SPON2: variants seen among roughly 807,000 people sequenced by gnomAD.
The protein encoded by SPON2 is spondin-2.
A neutral mutation model predicts 29.9 loss-of-function variants in SPON2; 32 were observed. The observed-to-expected ratio is 1.07, with a 90% CI of 0.81 to 1.44. SPON2 has a LOEUF of 1.44. Among genes scored for constraint, SPON2 ranks in the 40% most tolerant of loss-of-function variants. SPON2 has a pLI of 0.00. For missense variants in SPON2, 541 were observed against 455.5 expected, an observed-to-expected ratio of 1.19 and a Z score of -1.71; for synonymous variants, 248 against 209.1, an observed-to-expected ratio of 1.19 and a Z score of -1.61.
intron 1 of SPON2, chr4:1,200,769 C>G (rs1013454706): frequency 2.2e-6 from 1 of 455,198 alleles, no homozygotes; most frequent in African/African-American, 2.0e-5. Context: ...GTGGGTGCAG[C>G]CCCCCACCCC....
At chr4:1,174,017 CAG>C (rs1373774877), upstream of SPON2, among the ~76,000 whole-genome samples, 15 of 150,496 alleles carry the variant, frequency 1.0e-4, no homozygotes, top group African/African-American at 2.2e-4. Context: ...CTTGGCAACA[CAG>C]GGAGACCTCA....
upstream of SPON2, among the ~76,000 whole-genome samples, chr4:1,177,214 C>T (rs970073452): frequency 2.6e-5 from 4 of 152,318 alleles, no homozygotes; most frequent in Middle Eastern, 3.4e-3. Context: ...GTGTCCACAT[C>T]CAGCTCCACC....
chr4:1,196,069 G>A (rs923295334), upstream of SPON2, among the ~76,000 whole-genome samples: 6 of 152,122 alleles, frequency 3.9e-5, no homozygotes, highest in African/African-American at 9.7e-5. Flanking sequence ...GGCCAGGACC[G>A]CCCCCTCTGG....
At chr4:1,172,098 C>G (rs779850450) in intron 1 of SPON2, 24 bp from the exon 2 acceptor site, 3 of 1,598,612 alleles carry the variant, frequency 1.9e-6, no homozygotes, top group South Asian at 2.2e-5. Flanking sequence ...GGGGAGCAGC[C>G]GCGCGCTGGC....
At chr4:1,191,489 A>C (rs1339393901) in intron 1 of SPON2, among the ~76,000 whole-genome samples, 7 of 152,302 alleles carry the variant, frequency 4.6e-5, no homozygotes, top group Admixed American at 4.6e-4. Context: ...AAAGACCTAA[A>C]AGTAAAAGTC....
intron 1 of SPON2, among the ~76,000 whole-genome samples, chr4:1,180,964 T>C (rs1015137662): frequency 6.6e-6 from 1 of 151,962 alleles, no homozygotes; most frequent in Non-Finnish European, 1.5e-5. Context: ...GGGCAGAAAA[T>C]TATTTGATGA....
chr4:1,194,889 A>ACAGCCGGCGGCTCCAACCCCG (rs1560210491), intron 1 of SPON2: 2 of 111,666 alleles, frequency 1.8e-5, no homozygotes, highest in African/African-American at 7.1e-5. Context: ...CTCCAACGCC[A>ACAGCCGGCGGCTCCAACCCCG]CAGCCGGCGA....
chr4:1,196,149 T>A (rs947293482), upstream of SPON2, among the ~76,000 whole-genome samples: 1 of 152,028 alleles, frequency 6.6e-6, no homozygotes, highest in African/African-American at 2.4e-5. Context: ...ATCGATGGGG[T>A]GCCTAGCGCC....
At chr4:1,193,566 C>T (rs985575434) in intron 1 of SPON2, among the ~76,000 whole-genome samples, 29 of 139,164 alleles carry the variant, frequency 2.1e-4, no homozygotes, top group African/African-American at 6.2e-4. Context: ...GGGTCACTCC[C>T]GTAGGACCTG....
chr4:1,169,723 C>G (rs1727361371), intron 5 of SPON2: 1 of 152,344 alleles, frequency 6.6e-6, no homozygotes, highest in African/African-American at 2.4e-5. Context: ...CCGCTGTTGT[C>G]TGGGGCCTAC....
At chr4:1,198,250 A>T (rs1169026630), upstream of SPON2, among the ~76,000 whole-genome samples, 6 of 152,172 alleles carry the variant, frequency 3.9e-5, no homozygotes, top group Non-Finnish European at 8.8e-5. Flanking sequence ...AAAGTCCAGA[A>T]TGACTCTGGA....
At chr4:1,195,065 GTCTCCAACCCC>G (rs1728029074) in exon 1 of SPON2, 6 of 94,988 alleles carry the variant, frequency 6.3e-5, no homozygotes, top group East Asian at 3.0e-4. Context: ...CGCAGCCGGC[GTCTCCAACCCC>G]GCAGCCGGCG....
intron 5 of SPON2, among the ~76,000 whole-genome samples, chr4:1,169,226 C>T (rs1727341827): frequency 6.6e-6 from 1 of 152,156 alleles, no homozygotes; most frequent in Non-Finnish European, 1.5e-5. Flanking sequence ...TCTGGACCCT[C>T]TGCCCACGAG....
chr4:1,193,907 C>T (rs1315564898), intron 1 of SPON2, among the ~76,000 whole-genome samples: 12 of 44,970 alleles, frequency 2.7e-4, no homozygotes, highest in African/African-American at 8.4e-4. Context: ...GAAGGACGTG[C>T]GGGTGGCGTG....
chr4:1,171,787 T>A (rs1364550306), intron 2 of SPON2, 65 bp downstream of exon 2: 9 of 1,093,194 alleles, frequency 8.2e-6, no homozygotes, highest in Non-Finnish European at 1.1e-5. Flanking sequence ...CGTGCAGCTG[T>A]GCGGGGGGCT....
chr4:1,170,080 C>T (rs1445742527), intron 5 of SPON2: 2 of 297,422 alleles, frequency 6.7e-6, no homozygotes, highest in African/African-American at 4.6e-5. Context: ...TCCTAGCAAG[C>T]TTCCTTGTCA....
At chr4:1,180,054 T>C (rs555344777) in intron 1 of SPON2, among the ~76,000 whole-genome samples, 1 of 152,162 alleles carries the variant, frequency 6.6e-6, no homozygotes, top group South Asian at 2.1e-4. Flanking sequence ...TCTGAGAATC[T>C]AGAAGGCCAC....
chr4:1,195,008 A>C (rs2335925), exon 1 of SPON2: 25 of 81,902 alleles, frequency 3.1e-4, no homozygotes, highest in Admixed American at 5.0e-4. Flanking sequence ...CGGCGGTTCC[A>C]ACCCCGCAGC....
intron 1 of SPON2, chr4:1,204,936 G>A (rs1176227843): frequency 6.6e-6 from 1 of 152,272 alleles, no homozygotes; most frequent in Non-Finnish European, 1.5e-5. Context: ...GAAAGATGCT[G>A]ATTCCTGACT....
Sources: gnomAD v4.1 joint callset for allele counts (sites outside exome capture counted in the v4.1 genomes callset) on GRCh38, gnomAD v4.1.1 for gene constraint, MANE v1.5 for transcripts, NCBI Gene and HGNC (gene_info 2026-07-23, HGNC 2026-07-21) for gene names.